UPP2: variants seen among roughly 807,000 people sequenced by gnomAD.
The protein encoded by UPP2 is UPase 2.
UPP2 carries 23 observed loss-of-function variants against 26.7 expected under a neutral mutation model. The observed-to-expected ratio is 0.86, with a 90% CI of 0.62 to 1.22. UPP2 has a LOEUF of 1.22. UPP2 is among the 50% of genes most tolerant of loss of function. The pLI, the probability that UPP2 is intolerant of heterozygous loss-of-function variation, is 0.00. For synonymous variants in UPP2, 127 were observed against 141.3 expected, an observed-to-expected ratio of 0.90 and a Z score of 0.72; for missense variants, 387 against 396.7, an observed-to-expected ratio of 0.98 and a Z score of 0.21.
At position 158,072,654 on chromosome 2, in the gene UPP2, AGACAGAC is replaced by A. The variant is rs756583762; in HGVS notation, c.148-29385_148-29379del. ...CACAGAGAGAAAGAGACAGACAGAC[AGACAGAC>A]AGACAGACAGACAGACTCCATTTAT... On this transcript the variant is annotated intron_variant, in intron 3 of 9. Coordinates refer to the UPP2 transcript ENST00000605860. Among the ~76,000 whole-genome samples the A allele has an allele frequency of 7.0e-3, 943 of 135,430 alleles. 6 individuals carry two copies. The highest frequency in any genetic ancestry group is 0.036 in the Middle Eastern group (9 of 248). The allele number at this position is 135,430 out of a possible 152,430, so 88.8% of individuals were successfully genotyped here. A position where few individuals can be genotyped will look rare whatever the true frequency, so the allele number is the denominator to read the frequency against.
In UPP2 at chr2:158,135,726, T is replaced by C. The variant is rs944112177; in HGVS notation, c.*836T>C. 2.0e-5 allele frequency: 3 copies of C among 152,196 alleles called. No homozygotes were observed. The highest frequency in any genetic ancestry group is 7.2e-5 in the African/African-American group (3 of 41,440). The allele number at this position is 152,196 out of a possible 1,614,324, so 9.4% of individuals were successfully genotyped here. On this transcript the variant is annotated 3_prime_UTR_variant, in exon 7 of 7. Transcript: ENST00000005756. ...GTTAAAGGAATCCTTTTGTATGACT[T>C]GTCCAGACCGGCCTATTGCCCTACC...
chr2:158,096,847 C>A (rs77470254), intron 3 of UPP2, among the ~76,000 whole-genome samples: 3,897 of 151,952 alleles, frequency 0.026, 172 homozygotes, highest in African/African-American at 0.086. Flanking sequence ...ATTTTTTTAT[C>A]ATCTATACTT....
At chr2:158,043,800 G>T (rs1011970515) in intron 3 of UPP2, among the ~76,000 whole-genome samples, 1 of 152,102 alleles carries the variant, frequency 6.6e-6, no homozygotes, top group Non-Finnish European at 1.5e-5. Context: ...CTCTGGGGGC[G>T]GTTTGCCAGC....
intron 3 of UPP2, among the ~76,000 whole-genome samples, chr2:158,083,075 C>T (rs1334749607): frequency 1.1e-4 from 16 of 152,052 alleles, no homozygotes; most frequent in East Asian, 1.9e-4. Context: ...GGAGAGGATG[C>T]GGAGAAACAG....
intron 3 of UPP2, among the ~76,000 whole-genome samples, chr2:158,017,542 CA>C (rs1683679859): frequency 6.6e-6 from 1 of 152,106 alleles, no homozygotes. Context: ...TTTCTGCTAC[CA>C]AGTTGAAACA....
At chr2:158,006,376 G>A (rs1382266449) in intron 2 of UPP2, among the ~76,000 whole-genome samples, 1 of 151,314 alleles carries the variant, frequency 6.6e-6, no homozygotes. Flanking sequence ...GGCTGAGGCA[G>A]GAGAATGGCG....
In UPP2 at chr2:158,123,912, T is replaced by G. The variant is rs1683633019; in HGVS notation, c.811+17T>G. 6.2e-7 allele frequency: 1 copy of G among 1,609,308 alleles called. No homozygotes were observed. Among genetic ancestry groups the G allele is most frequent in the African/African-American group, 1.3e-5 (1 of 74,674 alleles). ...GTCTAAAAGGTAAGCTTTTCGTGAA[T>G]GCTTAGGGTCAAATTCTCCTCTTTC... On this transcript the variant is annotated intron_variant, in intron 6 of 6. Transcript: ENST00000005756.
intron 3 of UPP2, among the ~76,000 whole-genome samples, chr2:158,034,124 A>G (rs541879631): frequency 2.0e-5 from 3 of 151,780 alleles, no homozygotes; most frequent in Admixed American, 6.5e-5. Flanking sequence ...AGGAAAAGCC[A>G]TAAGAATCTA....
chr2:158,122,805 C>A (rs373440878), intron 5 of UPP2, among the ~76,000 whole-genome samples: 2 of 152,172 alleles, frequency 1.3e-5, no homozygotes, highest in African/African-American at 4.8e-5. Context: ...CCCCTCAGAC[C>A]AGACACTCGC....
intron 2 of UPP2, among the ~76,000 whole-genome samples, chr2:157,999,797 T>G (rs1683377523): frequency 6.6e-6 from 1 of 152,058 alleles, no homozygotes; most frequent in South Asian, 2.1e-4. Context: ...TTAAGAAAAA[T>G]TTTACATCTA....
chr2:158,118,078 T>G, intron 4 of UPP2, 140 bp downstream of exon 4: 1 of 677,782 alleles, frequency 1.5e-6, no homozygotes, highest in Non-Finnish European at 2.5e-6. Flanking sequence ...TGAGGAAACT[T>G]AAGGAAATCT....
At chr2:158,055,182 C>G (rs1249534305) in intron 3 of UPP2, among the ~76,000 whole-genome samples, 1 of 152,218 alleles carries the variant, frequency 6.6e-6, no homozygotes, top group African/African-American at 2.4e-5. Context: ...GGTGGGGGCT[C>G]TCCCTGCTGA....
chr2:158,106,909 T>C (rs1683208926), intron 2 of UPP2, among the ~76,000 whole-genome samples: 1 of 152,234 alleles, frequency 6.6e-6, no homozygotes, highest in South Asian at 2.1e-4. Context: ...TGAATAGACT[T>C]TAAAATAGTT....
At chr2:158,036,803 T>C (rs1336591634) in intron 3 of UPP2, among the ~76,000 whole-genome samples, 1 of 152,296 alleles carries the variant, frequency 6.6e-6, no homozygotes, top group Admixed American at 6.5e-5. Context: ...CAAAGAATGG[T>C]GAACAGTTGA....
chr2:158,016,973 A>G (rs944561146), intron 3 of UPP2, among the ~76,000 whole-genome samples: 1 of 152,222 alleles, frequency 6.6e-6, no homozygotes, highest in African/African-American at 2.4e-5. Flanking sequence ...AAGCCAAGAT[A>G]CTATAGCAGA....
chr2:158,023,887 T>C (rs897160831), intron 3 of UPP2, among the ~76,000 whole-genome samples: 2 of 152,174 alleles, frequency 1.3e-5, no homozygotes, highest in Non-Finnish European at 2.9e-5. Flanking sequence ...TGAGAACTCC[T>C]GCATTGGTCT....
intron 3 of UPP2, among the ~76,000 whole-genome samples, chr2:158,086,124 T>C (rs1326001209): frequency 6.6e-6 from 1 of 152,128 alleles, no homozygotes; most frequent in Non-Finnish European, 1.5e-5. Context: ...TGTGACTCCA[T>C]CTGATCCTGG....
Position 158,129,773 on chromosome 2 carries a change from GT to G in UPP2, c.812-4965del, listed in dbSNP as rs140812119. ...TAGATAGGAAGGTTTTTTTTTGTTT[GT>G]TTTTTTTTTGAGACAAGGTCTCTGT... On this transcript the variant is annotated intron_variant, in intron 6 of 6. Coordinates refer to ENST00000005756, the MANE Select transcript of UPP2 (RefSeq NM_173355.4). Among the ~76,000 whole-genome samples, 577 of 145,424 alleles carry G rather than the reference GT, an allele frequency of 4.0e-3. 6 individuals are homozygous for G. Among genetic ancestry groups the G allele is most frequent in the African/African-American group, 0.014 (537 of 39,670 alleles).
upstream of UPP2, chr2:158,101,775 G>A (rs1683080181): frequency 6.5e-6 from 7 of 1,072,036 alleles, no homozygotes; most frequent in African/African-American, 1.7e-5. Flanking sequence ...AAAGAGCTAG[G>A]ATGCCACACC....
Sources: gnomAD v4.1 joint callset for allele counts (sites outside exome capture counted in the v4.1 genomes callset) on GRCh38, gnomAD v4.1.1 for gene constraint, MANE v1.5 for transcripts, NCBI Gene and HGNC (gene_info 2026-07-23, HGNC 2026-07-21) for gene names.